The following MYO16 variants were observed in gnomAD, a reference collection of about 807,000 sequenced individuals.
MYO16 encodes myosin XVI, also known as unconventional myosin-XVI.
MYO16 carries 94 observed loss-of-function variants against 205.3 expected under a neutral mutation model. That is an observed-to-expected ratio of 0.46 (90% CI 0.39 to 0.54). MYO16 has a LOEUF of 0.54. Ranked by LOEUF, MYO16 falls within the 20% of genes least tolerant of loss-of-function variation. The probability of loss-of-function intolerance (pLI) is 0.00; values close to 1 mark genes in which losing one functional copy is unlikely to be tolerated. For synonymous variants in MYO16, 988 were observed against 954.0 expected, an observed-to-expected ratio of 1.04 and a Z score of -0.66; for missense variants, 2,315 against 2,387.5, an observed-to-expected ratio of 0.97 and a Z score of 0.63.
chr13:108,635,866 G>C (rs1436586400), intron 1 of MYO16, among the ~76,000 whole-genome samples: 1 of 152,054 alleles, frequency 6.6e-6, no homozygotes, highest in African/African-American at 2.4e-5. Context: ...TTTACTAATT[G>C]TGTAGAAAAA....
chr13:108,916,933 A>G (rs1441894392), intron 16 of MYO16, among the ~76,000 whole-genome samples: 1 of 152,092 alleles, frequency 6.6e-6, no homozygotes, highest in Non-Finnish European at 1.5e-5. Flanking sequence ...TAGATTCCCA[A>G]CTCTAACACA....
chr13:108,981,267 T>A (rs1479393203), intron 20 of MYO16, among the ~76,000 whole-genome samples: 1 of 152,176 alleles, frequency 6.6e-6, no homozygotes, highest in African/African-American at 2.4e-5. Flanking sequence ...CAATATGCAT[T>A]TATTGAAATG....
At chr13:108,851,697 A>T (rs7337590) in intron 10 of MYO16, among the ~76,000 whole-genome samples, 60,001 of 151,398 alleles carry the variant, frequency 0.4, 12,153 homozygotes, top group East Asian at 0.66. Context: ...AGTCCAATCC[A>T]TTCCTCCTCC....
At chr13:109,166,895 G>C (rs1157016623) in intron 33 of MYO16, 1 of 152,218 alleles carries the variant, frequency 6.6e-6, no homozygotes, top group Non-Finnish European at 1.5e-5. Context: ...CCAGGAAGCT[G>C]TGTGTGGCTT....
chr13:108,981,952 T>C lies in MYO16; in HGVS notation c.2370-10424T>C, dbSNP rs142882802. ...TTCCCAGTGTTTTCAGACTCTTTGG[T>C]CTGTCATCTTCTGGGCCATTAAAAT... On this transcript the variant is annotated intron_variant, in intron 20 of 34. Transcript: ENST00000457511. 1.5e-3 allele frequency among the ~76,000 whole-genome samples: 228 copies of C among 152,336 alleles called. 2 individuals carry two copies. The East Asian group carries it at 0.035, about 23-fold the overall frequency.
At chr13:109,109,010 A>G (rs1204107300) in intron 28 of MYO16, among the ~76,000 whole-genome samples, 2 of 152,112 alleles carry the variant, frequency 1.3e-5, no homozygotes, top group African/African-American at 2.4e-5. Flanking sequence ...AAAAACTGAG[A>G]GAATTAATAA....
intron 16 of MYO16, among the ~76,000 whole-genome samples, chr13:108,933,111 A>G (rs1882332108): frequency 6.6e-6 from 1 of 152,164 alleles, no homozygotes. Flanking sequence ...GGAGCAGGAA[A>G]ATCCAAGCAA....
At chr13:108,922,975 A>G (rs939233389) in intron 16 of MYO16, among the ~76,000 whole-genome samples, 10 of 152,166 alleles carry the variant, frequency 6.6e-5, no homozygotes, top group African/African-American at 2.4e-4. Context: ...AAAAGCAAAC[A>G]CAAAGAGAGG....
At chr13:109,076,314 C>G (rs1462908186) in intron 27 of MYO16, among the ~76,000 whole-genome samples, 2 of 151,880 alleles carry the variant, frequency 1.3e-5, no homozygotes, top group Non-Finnish European at 2.9e-5. Context: ...TAGTTCTTTT[C>G]TTTCCTAGTC....
the MYO16 span, among the ~76,000 whole-genome samples, chr13:108,547,816 G>C: frequency 6.6e-6 from 1 of 152,188 alleles, no homozygotes; most frequent in African/African-American, 2.4e-5. Flanking sequence ...AAAATCTTCA[G>C]TGTGCATACT....
chr13:109,101,477 G>C (rs1291025853), intron 28 of MYO16: 1 of 152,218 alleles, frequency 6.6e-6, no homozygotes, highest in Non-Finnish European at 1.5e-5. Flanking sequence ...AGGGGCCAAT[G>C]AAAGCTACAG....
intron 23 of MYO16, among the ~76,000 whole-genome samples, chr13:109,036,396 A>G (rs746565773): frequency 7.9e-5 from 12 of 152,166 alleles, no homozygotes; most frequent in African/African-American, 2.7e-4. Context: ...ATTTTGAGTC[A>G]CAGACATGGT....
intron 16 of MYO16, among the ~76,000 whole-genome samples, chr13:108,921,795 T>C (rs575981197): frequency 6.6e-6 from 1 of 152,304 alleles, no homozygotes; most frequent in African/African-American, 2.4e-5. Context: ...GATCTACATC[T>C]CCCTGGCTGG....
At position 108,972,205 on chromosome 13, in the gene MYO16, G is replaced by GTCTCTCTC. The variant is rs749547949; in HGVS notation, c.2369+7341_2369+7348dup. Among the ~76,000 whole-genome samples, 34 of 11,138 alleles carry GTCTCTCTC rather than the reference G, an allele frequency of 3.1e-3. 7 individuals are homozygous for GTCTCTCTC. Among genetic ancestry groups the GTCTCTCTC allele is most frequent in the African/African-American group, 6.2e-3 (15 of 2,416 alleles). 7.3% of individuals were successfully genotyped at this position (11,138 alleles called of 152,430 possible). A position where few individuals can be genotyped will look rare whatever the true frequency, so the allele number is the denominator to read the frequency against. On this transcript the variant is annotated intron_variant, in intron 20 of 34. Transcript: ENST00000457511. ...AGCCTGGATGACAGACTGAGACCCT[G>GTCTCTCTC]TCTCTCTCTCTCTCTCTCTCTCTCT... is the stretch of plus-strand genomic sequence containing the variant.
At chr13:108,739,956 G>A (rs1307455572) in intron 4 of MYO16, among the ~76,000 whole-genome samples, 1 of 152,158 alleles carries the variant, frequency 6.6e-6, no homozygotes, top group Non-Finnish European at 1.5e-5. Context: ...CATTCATCAC[G>A]TGGTTCTCGT....
intron 7 of MYO16, among the ~76,000 whole-genome samples, chr13:108,808,859 G>A (rs1887198757): frequency 6.6e-6 from 1 of 152,094 alleles, no homozygotes; most frequent in African/African-American, 2.4e-5. Context: ...AGTGGTAGAG[G>A]AAACATAAGC....
At chr13:109,148,428 A>G (rs965897109) in intron 32 of MYO16, among the ~76,000 whole-genome samples, 8 of 152,238 alleles carry the variant, frequency 5.3e-5, no homozygotes, top group African/African-American at 1.9e-4. Context: ...TCCAATAAGC[A>G]TGTACTTAAT....
At chr13:109,173,089 A>G (rs903711525) in intron 33 of MYO16, among the ~76,000 whole-genome samples, 1 of 152,212 alleles carries the variant, frequency 6.6e-6, no homozygotes, top group Non-Finnish European at 1.5e-5. Flanking sequence ...TGGAGGATTC[A>G]AAATAATATG....
At position 109,020,671 on chromosome 13, in the gene MYO16, C is replaced by A. The variant is rs912925056; in HGVS notation, c.2796+760C>A. On this transcript the variant is annotated intron_variant, in intron 23 of 34. Coordinates refer to ENST00000457511, the MANE Select transcript of MYO16 (RefSeq NM_001198950.3). ...AAATCCATGTTTGTTTATCCTCAGT[C>A]CAAATCCCAGCTGTAGTTAATGTCT... Among the ~76,000 whole-genome samples, 4 of 152,160 alleles carry A rather than the reference C, an allele frequency of 2.6e-5. No individual in the cohort carries two copies. The East Asian group carries it at 7.7e-4, about 29-fold the overall frequency.
Sources: allele counts gnomAD v4.1 joint callset (sites outside exome capture counted in the v4.1 genomes callset), GRCh38; gene constraint gnomAD v4.1.1; transcripts MANE v1.5; gene names NCBI Gene and HGNC (gene_info 2026-07-23, HGNC 2026-07-21).